DIPK1A: variants seen among roughly 807,000 people sequenced by gnomAD.
The protein encoded by DIPK1A is divergent protein kinase domain 1A, also known as family with sequence similarity 69 member A.
A neutral mutation model predicts 40.8 loss-of-function variants in DIPK1A; 27 were observed. The observed-to-expected ratio is 0.66, with a 90% CI of 0.49 to 0.91. The LOEUF is 0.91. Among genes scored for constraint, DIPK1A ranks in the 40% least tolerant of loss-of-function variants. The probability of loss-of-function intolerance (pLI) is 0.00; values close to 1 mark genes in which losing one functional copy is unlikely to be tolerated. For missense variants in DIPK1A, 412 were observed against 505.7 expected (o/e 0.81, Z 1.78); for synonymous variants, 166 against 171.3 (o/e 0.97, Z 0.24).
downstream of DIPK1A, chr1:92,837,915 A>C (rs1298723399): frequency 2.4e-6 from 1 of 425,466 alleles, no homozygotes; most frequent in Non-Finnish European, 4.3e-6. Context: ...GCTAGATAAT[A>C]AACTTCACTT....
chr1:92,861,629 TA>T (rs1647277373), intron 2 of DIPK1A, among the ~76,000 whole-genome samples: 1 of 151,508 alleles, frequency 6.6e-6, no homozygotes, highest in Admixed American at 6.6e-5. Flanking sequence ...GCTCAGCCAA[TA>T]CTCATAACAG....
chr1:92,893,150 A>AT, intron 1 of DIPK1A, among the ~76,000 whole-genome samples: 1 of 151,470 alleles, frequency 6.6e-6, no homozygotes, highest in Non-Finnish European at 1.5e-5. Context: ...AAATACAGAG[A>AT]ACGCCACAAA....
At chr1:92,946,943 C>CAAA (rs36065493) in intron 1 of DIPK1A, among the ~76,000 whole-genome samples, 9 of 108,386 alleles carry the variant, frequency 8.3e-5, no homozygotes, top group Non-Finnish European at 1.3e-4. Context: ...GACCCTGTCT[C>CAAA]AAAAAAAAAA....
chr1:92,936,417 C>T (rs890604115), intron 1 of DIPK1A, among the ~76,000 whole-genome samples: 16 of 151,986 alleles, frequency 1.1e-4, no homozygotes, highest in African/African-American at 3.9e-4. Context: ...CACCCGAGGT[C>T]GGGAGTTTGA....
intron 1 of DIPK1A, among the ~76,000 whole-genome samples, chr1:92,896,426 T>C (rs1571103310): frequency 1.3e-5 from 2 of 152,122 alleles, no homozygotes; most frequent in Admixed American, 6.6e-5. Context: ...ATTTAATAAA[T>C]GGTGCTGGAA....
At chr1:92,941,550 A>C (rs1014145862) in intron 1 of DIPK1A, among the ~76,000 whole-genome samples, 2 of 152,210 alleles carry the variant, frequency 1.3e-5, no homozygotes, top group African/African-American at 4.8e-5. Context: ...CTTAACACAG[A>C]CACCAAATTT....
intron 2 of DIPK1A, among the ~76,000 whole-genome samples, chr1:92,869,976 G>T (rs185490415): frequency 6.6e-6 from 1 of 151,966 alleles, no homozygotes; most frequent in Admixed American, 6.6e-5. Flanking sequence ...AACCATGGGA[G>T]AAGCCAATTT....
At chr1:92,961,282 G>A in intron 1 of DIPK1A, 94 bp downstream of exon 1, 1 of 928,854 alleles carries the variant, frequency 1.1e-6, no homozygotes, top group South Asian at 1.7e-5. Context: ...ACAGACCCAG[G>A]GAGGGAGGAG....
intron 1 of DIPK1A, among the ~76,000 whole-genome samples, chr1:92,916,302 CTTT>C (rs869037202): frequency 2.2e-5 from 3 of 134,766 alleles, no homozygotes; most frequent in Non-Finnish European, 3.2e-5. Context: ...TCCTTTTTTT[CTTT>C]TTTTTTTTTT....
intron 1 of DIPK1A, among the ~76,000 whole-genome samples, chr1:92,927,203 A>G (rs6694051): frequency 0.35 from 53,134 of 151,834 alleles, 9,745 homozygotes; most frequent in African/African-American, 0.38. Flanking sequence ...GTTGTTTTGA[A>G]ACAAGGTCTT....
At chr1:92,878,798 G>A (rs1648245669) in intron 1 of DIPK1A, among the ~76,000 whole-genome samples, 1 of 151,582 alleles carries the variant, frequency 6.6e-6, no homozygotes, top group Admixed American at 6.6e-5. Flanking sequence ...TCCAGCCTGG[G>A]CGACAGCGAG....
At chr1:92,882,851 T>C (rs906188664) in intron 1 of DIPK1A, among the ~76,000 whole-genome samples, 9 of 152,224 alleles carry the variant, frequency 5.9e-5, no homozygotes, top group Non-Finnish European at 1.3e-4. Context: ...TTATATACAA[T>C]GTTCCTGAAA....
chr1:92,887,321 G>T (rs1648655726), intron 1 of DIPK1A, among the ~76,000 whole-genome samples: 1 of 151,726 alleles, frequency 6.6e-6, no homozygotes, highest in African/African-American at 2.4e-5. Flanking sequence ...AGCTACCTGG[G>T]AGGCTGAGGT....
chr1:92,847,238 G>A lies in DIPK1A; in HGVS notation c.419C>T (p.Pro140Leu). ...TTTTTGTACAGTAGTTCCTCTAGTT[G>A]GCTTATCAAATAGCACTATTTCTTT... Reference protein sequence around the residue: ...PRKEIVLFDKPTRGTTVQKFK... With the variant: ...PRKEIVLFDKLTRGTTVQKFK... Residue 140 changes from proline to leucine, a missense_variant, in exon 4 of 5, where the codon CCA becomes CTA. Transcript: ENST00000370310. 6.2e-7 allele frequency: 1 copy of A among 1,606,938 alleles called. No individual in the cohort carries two copies. The highest frequency in any genetic ancestry group is 8.5e-7 in the Non-Finnish European group (1 of 1,176,142).
intron 3 of DIPK1A, among the ~76,000 whole-genome samples, chr1:92,849,636 T>G (rs1473761341): frequency 6.6e-6 from 1 of 151,928 alleles, no homozygotes; most frequent in Non-Finnish European, 1.5e-5. Flanking sequence ...CCTCAGCCTC[T>G]GGAGTTGCTG....
rs1491114843 is a variant in DIPK1A at position 92,845,506 on chromosome 1, T to TA, written c.475-1312dup. Reference sequence around the variant, plus strand: ...CAACATGGTGAAACCGTGTCTATGCTAGAAAAAAAAAAAAAAAAAAAAACC... The same window carrying TA: ...CAACATGGTGAAACCGTGTCTATGCTAAGAAAAAAAAAAAAAAAAAAAAACC... On this transcript the variant is annotated intron_variant, in intron 4 of 4. Coordinates refer to ENST00000370310, the MANE Select transcript of DIPK1A (RefSeq NM_001006605.5). 6.3e-3 allele frequency: 1,159 copies of TA among 183,910 alleles called. 25 individuals are homozygous for TA. The African/African-American group carries it at 0.1, about 17-fold the overall frequency. 11.4% of individuals were successfully genotyped at this position (183,910 alleles called of 1,614,324 possible).
At chr1:92,909,526 G>A (rs1649749702) in intron 1 of DIPK1A, among the ~76,000 whole-genome samples, 1 of 152,188 alleles carries the variant, frequency 6.6e-6, no homozygotes, top group Non-Finnish European at 1.5e-5. Flanking sequence ...ACTCTGGAAA[G>A]GAAGGAGTTG....
chr1:92,906,145 C>T (rs528386398), intron 1 of DIPK1A, among the ~76,000 whole-genome samples: 539 of 151,928 alleles, frequency 3.5e-3, no homozygotes, highest in Non-Finnish European at 5.3e-3. Context: ...GATTTTTTTT[C>T]TATTTCTGTG....
At chr1:92,922,931 T>C (rs1377823377) in intron 1 of DIPK1A, among the ~76,000 whole-genome samples, 6 of 152,182 alleles carry the variant, frequency 3.9e-5, no homozygotes, top group Non-Finnish European at 7.4e-5. Context: ...ATCTCCTTTT[T>C]TTTTTTTCCT....
Sources: gnomAD v4.1 joint callset for allele counts (sites outside exome capture counted in the v4.1 genomes callset) on GRCh38, gnomAD v4.1.1 for gene constraint, MANE v1.5 for transcripts, NCBI Gene and HGNC (gene_info 2026-07-23, HGNC 2026-07-21) for gene names.